The following ZNF568 variants were observed in gnomAD, a reference collection of about 807,000 sequenced individuals.
ZNF568 encodes the protein zinc finger protein 568, also known as p53 inhibitor of SCO2 activation.
A neutral mutation model predicts 18.1 loss-of-function variants in ZNF568; 11 were observed. The ratio of observed to expected loss-of-function variants is 0.61; its 90% confidence interval spans 0.38 to 1.00. ZNF568 has a LOEUF of 1.00. Among genes scored for constraint, ZNF568 ranks in the 50% least tolerant of loss-of-function variants. The pLI, the probability that ZNF568 is intolerant of heterozygous loss-of-function variation, is 0.01. For missense variants in ZNF568, 639 were observed against 768.2 expected, an observed-to-expected ratio of 0.83 and a Z score of 1.99; for synonymous variants, 213 against 246.6, an observed-to-expected ratio of 0.86 and a Z score of 1.28.
chr19:36,969,171 G>T lies in ZNF568; in HGVS notation c.359-5249G>T, dbSNP rs149555535. On this transcript the variant is annotated intron_variant, in intron 6 of 7. Coordinates refer to the ZNF568 transcript ENST00000427117. ...CACCCAGCCCCAATACAAGTTCTTT[G>T]TAGTATTCTTTCAATGCTTCTGGAG... is the stretch of plus-strand genomic sequence containing the variant. 8.1e-3 allele frequency among the ~76,000 whole-genome samples: 1,222 copies of T among 151,572 alleles called. 16 individuals are homozygous for T. Among genetic ancestry groups the T allele is most frequent in the African/African-American group, 0.028 (1,145 of 41,450 alleles).
At chr19:36,978,163 G>A (rs963559751) in intron 7 of ZNF568, among the ~76,000 whole-genome samples, 1 of 152,150 alleles carries the variant, frequency 6.6e-6, no homozygotes, top group African/African-American at 2.4e-5. Context: ...GTGAATCCCT[G>A]GTACTTTCAG....
At chr19:36,962,742 C>A (rs1448819118) in intron 6 of ZNF568, among the ~76,000 whole-genome samples, 4 of 151,966 alleles carry the variant, frequency 2.6e-5, no homozygotes, top group African/African-American at 9.7e-5. Context: ...GATAATTTTG[C>A]TTGATGTAGC....
exon 8 of ZNF568, chr19:36,979,168 A>C (rs1028798083): frequency 1.4e-5 from 3 of 207,060 alleles, no homozygotes; most frequent in African/African-American, 7.2e-5. Context: ...TTTTTTATAG[A>C]GACGGGGTTT....
chr19:36,932,042 G>T (rs1319286134), intron 4 of ZNF568, among the ~76,000 whole-genome samples: 2 of 152,174 alleles, frequency 1.3e-5, no homozygotes, highest in Non-Finnish European at 2.9e-5. Flanking sequence ...CAAGTTTCAT[G>T]CATTTTGTAG....
rs971224221 is a variant in ZNF568 at position 36,951,982 on chromosome 19, T to C, written c.*894T>C. On this transcript the variant is annotated 3_prime_UTR_variant, in exon 7 of 7. Coordinates refer to ENST00000333987, the MANE Select transcript of ZNF568 (RefSeq NM_198539.4). Reference sequence around the variant, plus strand: ...AATACTGGAATTTGAAAAGCCAAACTGTGAAACCATTGGGAGAAAATAGAT... The same window carrying C: ...AATACTGGAATTTGAAAAGCCAAACCGTGAAACCATTGGGAGAAAATAGAT... 129 of 979,768 alleles carry C rather than the reference T, an allele frequency of 1.3e-4. No individual in the cohort carries two copies. The highest frequency in any genetic ancestry group is 3.9e-4 in the Admixed American group (6 of 15,422). 60.7% of individuals were successfully genotyped at this position (979,768 alleles called of 1,614,324 possible).
rs1013361676 is a variant in ZNF568, at chr19:36,952,115, C to T, written c.*1027C>T. On this transcript the variant is annotated 3_prime_UTR_variant, in exon 7 of 7. Coordinates refer to ENST00000333987, the MANE Select transcript of ZNF568 (RefSeq NM_198539.4). ...TATATATACATCCTATAGAAACTCA[C>T]AAATAATGCATAAGAAATATATATA... is the stretch of plus-strand genomic sequence containing the variant. 5.4e-6 allele frequency: 4 copies of T among 742,130 alleles called. No individual in the cohort carries two copies. In the African/African-American group the frequency reaches 8.7e-5, roughly 16 times the overall value. The allele number at this position is 742,130 out of a possible 1,614,324, so 46.0% of individuals were successfully genotyped here. A position where few individuals can be genotyped will look rare whatever the true frequency, so the allele number is the denominator to read the frequency against.
chr19:36,987,802 A>G (rs552406780), intron 2 of ZNF568, among the ~76,000 whole-genome samples: 189 of 124,522 alleles, frequency 1.5e-3, no homozygotes, highest in African/African-American at 5.1e-3. Context: ...CAAATCTCAG[A>G]GAGAAAGAAA....
chr19:36,925,734 G>C (rs2146272094), intron 4 of ZNF568, among the ~76,000 whole-genome samples: 1 of 151,838 alleles, frequency 6.6e-6, no homozygotes, highest in African/African-American at 2.4e-5. Flanking sequence ...CTTTTTTCTT[G>C]TCGTTTTCTA....
chr19:36,971,911 C>A (rs942205645), intron 6 of ZNF568, among the ~76,000 whole-genome samples: 1 of 150,206 alleles, frequency 6.7e-6, no homozygotes, highest in Non-Finnish European at 1.5e-5. Context: ...ACAGTCTCGG[C>A]TCACTGCAAC....
chr19:36,937,159 C>T lies in ZNF568; in HGVS notation c.275C>T (p.Thr92Ile). The change falls in exon 6 of 7, where the codon ACC becomes ATC. Residue 92 changes from threonine to isoleucine, a missense_variant. Physicochemically the swap from Thr to Ile is moderately conservative, Grantham distance 89 (BLOSUM62 -1). Transcript: ENST00000333987. ...SNLVTVGCQV[T>I]KPDVIFKLEQ... ...TTTCTTGTAATAGGCTGTCAAGTCA[C>T]CAAACCGGATGTGATATTCAAGTTG... 6.2e-7 allele frequency: 1 copy of T among 1,613,772 alleles called. No individual in the cohort carries two copies. Among genetic ancestry groups the T allele is most frequent in the East Asian group, 2.2e-5 (1 of 44,882 alleles).
intron 1 of ZNF568, among the ~76,000 whole-genome samples, 168 bp from the exon 2 acceptor site, chr19:36,917,411 G>A (rs1298968279): frequency 6.6e-6 from 1 of 152,230 alleles, no homozygotes; most frequent in Non-Finnish European, 1.5e-5. Context: ...TAGAGGGTGT[G>A]AGGAATTGGA....
chr19:36,997,609 A>T, downstream of ZNF568: 1 of 1,542,748 alleles, frequency 6.5e-7, no homozygotes. Context: ...ACACCAGAAA[A>T]TTCATACTGG....
Position 36,991,076 on chromosome 19 carries a change from T to C in ZNF568, c.10-100T>C, listed in dbSNP as rs1015460152. ...GAGCCAGTATGGCCTGTTTTCCTAA[T>C]GGAACTTCCCTATTGAATTGCTTTC... On this transcript the variant is annotated intron_variant, in intron 2 of 4. Transcript: ENST00000433993. 1.1e-5 allele frequency: 14 copies of C among 1,311,914 alleles called. 1 individual carries two copies. In the Admixed American group the frequency reaches 2.0e-4, roughly 19 times the overall value. 81.3% of individuals were successfully genotyped at this position (1,311,914 alleles called of 1,614,324 possible).
At chr19:36,976,594 C>G (rs1280476440) in intron 7 of ZNF568, among the ~76,000 whole-genome samples, 1 of 152,078 alleles carries the variant, frequency 6.6e-6, no homozygotes, top group South Asian at 2.1e-4. Context: ...TCAAGTCACT[C>G]GCCTCAAAGT....
Position 36,950,456 on chromosome 19 carries a change from G to A in ZNF568, c.1303G>A (p.Val435Ile), listed in dbSNP as rs200296932. Residue 435 changes from valine to isoleucine, a missense_variant, in exon 7 of 7, where the codon GTA (valine) becomes ATA (isoleucine). By Grantham distance (29) the Val-to-Ile change is conservative. Coordinates refer to ENST00000333987, the MANE Select transcript of ZNF568 (RefSeq NM_198539.4). ...CTTCTCTCAGAGTTCATCCCTAACC[G>A]TACATATGCGAAATCATACAGCTGA... The part of the protein sequence containing the change: ...KAFSQSSSLT[V>I]HMRNHTAEKP... 216 of 1,612,100 alleles carry A rather than the reference G, an allele frequency of 1.3e-4. No homozygotes were observed. Among genetic ancestry groups the A allele is most frequent in the Admixed American group, 1.8e-4 (11 of 59,888 alleles).
At chr19:36,985,725 A>T (rs1461506355) in intron 2 of ZNF568, among the ~76,000 whole-genome samples, 1 of 152,136 alleles carries the variant, frequency 6.6e-6, no homozygotes, top group Non-Finnish European at 1.5e-5. Flanking sequence ...GTTTCCCCAG[A>T]TTGACCAGGC....
intron 4 of ZNF568, among the ~76,000 whole-genome samples, chr19:36,928,364 T>G (rs1272735622): frequency 6.6e-6 from 1 of 152,150 alleles, no homozygotes; most frequent in Non-Finnish European, 1.5e-5. Flanking sequence ...AGGACCTATT[T>G]ATAAAGTAAA....
At position 36,978,740 on chromosome 19, in the gene ZNF568, T is replaced by C. The variant is rs75563100; in HGVS notation, c.406-264T>C. On this transcript the variant is annotated intron_variant, in intron 7 of 7. Coordinates refer to the ZNF568 transcript ENST00000427117. ...CTTCTTTTCAGCCTCGTCTCTCTGC[T>C]CTCTCTCTGACTTTACACTAGTCGT... is the stretch of plus-strand genomic sequence containing the variant. Among the ~76,000 whole-genome samples, 807 of 152,254 alleles carry C rather than the reference T, an allele frequency of 5.3e-3. 11 individuals carry two copies. Among genetic ancestry groups the C allele is most frequent in the African/African-American group, 0.018 (755 of 41,562 alleles).
intron 4 of ZNF568, among the ~76,000 whole-genome samples, chr19:36,934,949 T>C (rs998511007): frequency 4.5e-4 from 68 of 152,122 alleles, no homozygotes; most frequent in African/African-American, 1.6e-3. Context: ...GCTTTTTTTT[T>C]TTTTAAGAGA....
Sources: allele counts gnomAD v4.1 joint callset (sites outside exome capture counted in the v4.1 genomes callset), GRCh38; gene constraint gnomAD v4.1.1; transcripts MANE v1.5; gene names NCBI Gene and HGNC (gene_info 2026-07-23, HGNC 2026-07-21).